The following KCNIP4 variants were observed in gnomAD, a reference collection of about 807,000 sequenced individuals.
The protein encoded by KCNIP4 is Kv channel-interacting protein 4.
A neutral mutation model predicts 34.0 loss-of-function variants in KCNIP4; 12 were observed. The observed-to-expected ratio is 0.35, with a 90% CI of 0.23 to 0.57. The LOEUF (loss-of-function observed/expected upper bound fraction) is 0.57. Among genes scored for constraint, KCNIP4 ranks in the 20% least tolerant of loss-of-function variants. The probability of loss-of-function intolerance (pLI) is 0.83; values close to 1 mark genes in which losing one functional copy is unlikely to be tolerated. For synonymous variants in KCNIP4, 124 were observed against 102.2 expected (o/e 1.21, Z -1.29); for missense variants, 238 against 311.7 (o/e 0.76, Z 1.78).
At chr4:21,027,382 G>A (rs115471669) in intron 1 of KCNIP4, among the ~76,000 whole-genome samples, 6 of 151,994 alleles carry the variant, frequency 3.9e-5, no homozygotes, top group African/African-American at 1.2e-4. Flanking sequence ...GAAAAACTTC[G>A]TCACCCCTGG....
intron 1 of KCNIP4, among the ~76,000 whole-genome samples, chr4:21,607,815 T>TA (rs1743830850): frequency 6.6e-6 from 1 of 152,076 alleles, no homozygotes; most frequent in Non-Finnish European, 1.5e-5. Flanking sequence ...AACCTATGCT[T>TA]ACCCTGAATT....
chr4:21,044,041 T>C (rs556134084), intron 1 of KCNIP4, among the ~76,000 whole-genome samples: 32 of 152,140 alleles, frequency 2.1e-4, no homozygotes, highest in Non-Finnish European at 4.3e-4. Flanking sequence ...TCCAGGGTCC[T>C]GGAGGCTTTG....
chr4:20,852,817 T>G (rs1721174470), intron 2 of KCNIP4, among the ~76,000 whole-genome samples: 1 of 152,168 alleles, frequency 6.6e-6, no homozygotes, highest in African/African-American at 2.4e-5. Flanking sequence ...TCAGTAGCTC[T>G]TCTATACACT....
intron 1 of KCNIP4, among the ~76,000 whole-genome samples, chr4:21,893,068 A>T (rs978625282): frequency 6.6e-6 from 1 of 152,198 alleles, no homozygotes; most frequent in African/African-American, 2.4e-5. Flanking sequence ...ATTTCAGGTA[A>T]CCTAATGCAT....
At chr4:21,247,851 T>G (rs1760387347) in intron 1 of KCNIP4, among the ~76,000 whole-genome samples, 2 of 121,252 alleles carry the variant, frequency 1.6e-5, no homozygotes, top group African/African-American at 3.7e-5. Flanking sequence ...CAGGTGGAGA[T>G]ATATATATAT....
intron 1 of KCNIP4, among the ~76,000 whole-genome samples, chr4:21,254,496 C>A (rs962602570): frequency 2.0e-5 from 3 of 152,206 alleles, no homozygotes; most frequent in Non-Finnish European, 4.4e-5. Flanking sequence ...CATTTAAAAT[C>A]ATTCCTCCAA....
intron 1 of KCNIP4, among the ~76,000 whole-genome samples, chr4:21,908,007 T>A (rs1410494835): frequency 6.6e-6 from 1 of 152,148 alleles, no homozygotes; most frequent in Non-Finnish European, 1.5e-5. Context: ...TTGTGCAAAC[T>A]TTTTTTGTTC....
intron 1 of KCNIP4, among the ~76,000 whole-genome samples, chr4:21,630,221 C>T (rs1276352369): frequency 6.6e-6 from 1 of 151,814 alleles, no homozygotes; most frequent in Non-Finnish European, 1.5e-5. Context: ...AATCCCAGCA[C>T]TTTGGGAGGC....
intron 1 of KCNIP4, among the ~76,000 whole-genome samples, chr4:21,075,615 A>C (rs545566879): frequency 1.1e-3 from 173 of 152,266 alleles, no homozygotes; most frequent in African/African-American, 4.0e-3. Flanking sequence ...TGTGACTTTT[A>C]AGTGGAGCAT....
intron 1 of KCNIP4, among the ~76,000 whole-genome samples, chr4:21,712,243 T>C (rs1180211859): frequency 2.0e-5 from 3 of 152,220 alleles, no homozygotes; most frequent in Non-Finnish European, 4.4e-5. Context: ...AACTTTATAT[T>C]GGGTCCTAGA....
At chr4:21,543,327 T>A (rs758308001) in intron 1 of KCNIP4, among the ~76,000 whole-genome samples, 1 of 152,178 alleles carries the variant, frequency 6.6e-6, no homozygotes, top group Admixed American at 6.5e-5. Context: ...ATGTATATCA[T>A]TTGTCAGTTT....
chr4:20,731,538 G>C (rs1241379666), intron 8 of KCNIP4: 1 of 985,258 alleles, frequency 1.0e-6, no homozygotes, highest in African/African-American at 1.7e-5. Flanking sequence ...TTCAGTCAAA[G>C]AGCCATTTCT....
intron 1 of KCNIP4, among the ~76,000 whole-genome samples, chr4:21,594,215 G>T (rs138869890): frequency 1.3e-3 from 197 of 152,188 alleles, no homozygotes; most frequent in Non-Finnish European, 1.8e-3. Context: ...CCAACTCATG[G>T]CATCCTGAGT....
chr4:21,231,670 C>T (rs1758799257), intron 1 of KCNIP4, among the ~76,000 whole-genome samples: 1 of 152,092 alleles, frequency 6.6e-6, no homozygotes, highest in Non-Finnish European at 1.5e-5. Flanking sequence ...TATACATTTA[C>T]AGGAATATTT....
intron 1 of KCNIP4, among the ~76,000 whole-genome samples, chr4:21,757,418 C>T (rs78843333): frequency 0.015 from 2,340 of 152,208 alleles, 158 homozygotes; most frequent in Admixed American, 0.12. Context: ...AAATAATGAT[C>T]AAGTATCTAT....
chr4:21,054,975 G>A (rs920994525), intron 1 of KCNIP4, among the ~76,000 whole-genome samples: 4 of 152,048 alleles, frequency 2.6e-5, no homozygotes, highest in Admixed American at 1.3e-4. Flanking sequence ...AAGAAAATGC[G>A]AGACATCATA....
intron 1 of KCNIP4, among the ~76,000 whole-genome samples, chr4:21,769,152 C>T (rs1718613723): frequency 6.7e-6 from 1 of 149,238 alleles, no homozygotes; most frequent in African/African-American, 2.6e-5. Context: ...TCCACACTGT[C>T]ATCAACTCCT....
rs78381553 is a variant in KCNIP4 at position 21,747,080 on chromosome 4, G to A, written c.61+201491C>T. 8.7e-3 allele frequency among the ~76,000 whole-genome samples: 1,331 copies of A among 152,184 alleles called. 19 individuals carry two copies. The highest frequency in any genetic ancestry group is 0.039 in the South Asian group (187 of 4,826). On this transcript the variant is annotated intron_variant, in intron 1 of 8. Transcript: ENST00000382152. ...AATTCTATTAAGCGTAGCTCAACAG[G>A]TCAGCTTCTTACTTTAATGCTTTGC...
At chr4:20,946,109 G>T (rs1047770377) in intron 1 of KCNIP4, among the ~76,000 whole-genome samples, 1 of 152,112 alleles carries the variant, frequency 6.6e-6, no homozygotes, top group Non-Finnish European at 1.5e-5. Flanking sequence ...GACCAGCAAG[G>T]GTCCTCACTG....
Sources: gnomAD v4.1 joint callset for allele counts (sites outside exome capture counted in the v4.1 genomes callset) on GRCh38, gnomAD v4.1.1 for gene constraint, MANE v1.5 for transcripts, NCBI Gene and HGNC (gene_info 2026-07-23, HGNC 2026-07-21) for gene names.